The following FGB variants were observed in gnomAD, a reference collection of about 807,000 sequenced individuals.
FGB encodes beta-fibrinogen.
FGB carries 25 observed loss-of-function variants against 57.9 expected under a neutral mutation model. That is an observed-to-expected ratio of 0.43 (90% CI 0.31 to 0.60). The LOEUF is 0.60. Among genes scored for constraint, FGB ranks in the 20% least tolerant of loss-of-function variants. The pLI is 0.08. For synonymous variants in FGB, 203 were observed against 199.2 expected, an observed-to-expected ratio of 1.02 and a Z score of -0.16; for missense variants, 536 against 598.4, an observed-to-expected ratio of 0.90 and a Z score of 1.09.
Position 154,570,651 on chromosome 4 carries a change from T to C in FGB, c.*1T>C. The stretch of plus-strand genomic sequence containing the variant: ...CAGGCCCTTCTTCCCACAGCAATAG[T>C]CCCCAATACGTAGATTTTTGCTCTT... On this transcript the variant is annotated 3_prime_UTR_variant, in exon 8 of 8. Transcript: ENST00000302068. 1 of 1,609,140 alleles carries C rather than the reference T, an allele frequency of 6.2e-7. No homozygotes were observed. The highest frequency in any genetic ancestry group is 8.5e-7 in the Non-Finnish European group (1 of 1,175,516).
In FGB at chr4:154,565,960, C is replaced by T. The variant is rs1268373410; in HGVS notation, c.267C>T (p.Ala89=). Residue 89 remains alanine, a synonymous_variant, in exon 2 of 8, where the codon GCC becomes GCT. Transcript: ENST00000302068. Reference sequence around the variant, plus strand: ...CTCAAAAGAAAGTAGAAAGAAAAGCCCCTGATGCTGGAGGCTGTCTTCACG... The same window carrying T: ...CTCAAAAGAAAGTAGAAAGAAAAGCTCCTGATGCTGGAGGCTGTCTTCACG... ...AATQKKVERK[A]PDAGGCLHAD... is the part of the protein sequence containing the mutation. 1 of 1,613,784 alleles carries T rather than the reference C, an allele frequency of 6.2e-7. No individual in the cohort carries two copies. The highest frequency in any genetic ancestry group is 8.5e-7 in the Non-Finnish European group (1 of 1,180,012).
rs1024663278 is a variant in FGB, at chr4:154,572,366, G to A, written c.*1716G>A. ...CCAGAGCCAGTGAATGGGACATAGG[G>A]TTTATTTAGGACTTAAATACAGATG... On this transcript the variant is annotated 3_prime_UTR_variant, in exon 8 of 8. Coordinates refer to ENST00000302068, the MANE Select transcript of FGB (RefSeq NM_005141.5). 2.6e-5 allele frequency among the ~76,000 whole-genome samples: 4 copies of A among 152,178 alleles called. No homozygotes were observed. Among genetic ancestry groups the A allele is most frequent in the Non-Finnish European group, 4.4e-5 (3 of 68,036 alleles).
chr4:154,570,789 A>G lies in FGB; in HGVS notation c.*139A>G. 1 of 720,318 alleles carries G rather than the reference A, an allele frequency of 1.4e-6. No homozygotes were observed. The highest frequency in any genetic ancestry group is 2.7e-5 in the East Asian group (1 of 37,176). The allele number at this position is 720,318 out of a possible 1,614,324, so 44.6% of individuals were successfully genotyped here. A position where few individuals can be genotyped will look rare whatever the true frequency, so the allele number is the denominator to read the frequency against. Reference sequence around the variant, plus strand: ...TGTGACTTTTTGAAAAAAGTATAGGATAAATTACATTAAAATAGCACATGA... The same window carrying G: ...TGTGACTTTTTGAAAAAAGTATAGGGTAAATTACATTAAAATAGCACATGA... On this transcript the variant is annotated 3_prime_UTR_variant, in exon 8 of 8. Coordinates refer to ENST00000302068, the MANE Select transcript of FGB (RefSeq NM_005141.5).
intron 5 of FGB, among the ~76,000 whole-genome samples, chr4:154,568,765 G>A (rs1272025825): frequency 6.7e-6 from 1 of 150,360 alleles, no homozygotes; most frequent in African/African-American, 2.5e-5. Context: ...CCAGGAGGCT[G>A]AGATGGGAGA....
At chr4:154,563,802 C>T (rs1346373472) in intron 1 of FGB, among the ~76,000 whole-genome samples, 3 of 151,726 alleles carry the variant, frequency 2.0e-5, no homozygotes, top group Non-Finnish European at 4.4e-5. Flanking sequence ...TTTGCAGTTA[C>T]TAAAAATACA....
At chr4:154,564,534 G>A (rs1730076177) in intron 1 of FGB, among the ~76,000 whole-genome samples, 1 of 152,008 alleles carries the variant, frequency 6.6e-6, no homozygotes, top group Admixed American at 6.6e-5. Flanking sequence ...TGGTTAAACA[G>A]GAAAATCTGG....
In FGB at chr4:154,571,032, G is replaced by A; in HGVS notation, c.*382G>A. On this transcript the variant is annotated 3_prime_UTR_variant, in exon 8 of 8. Coordinates refer to ENST00000302068, the MANE Select transcript of FGB (RefSeq NM_005141.5). ...AACTATATTTATTTATGTAGGATCT[G>A]TCAAAGAAAACTTCCAAAAAGATTT... The A allele has an allele frequency of 3.4e-6, 1 of 292,924 alleles. No individual in the cohort carries two copies. Among genetic ancestry groups the A allele is most frequent in the Non-Finnish European group, 6.6e-6 (1 of 152,476 alleles). 18.1% of individuals were successfully genotyped at this position (292,924 alleles called of 1,614,324 possible). A position where few individuals can be genotyped will look rare whatever the true frequency, so the allele number is the denominator to read the frequency against.
At chr4:154,567,477 T>A in intron 3 of FGB, 116 bp from the exon 4 acceptor site, 1 of 698,228 alleles carries the variant, frequency 1.4e-6, no homozygotes, top group Non-Finnish European at 2.6e-6. Context: ...CATAACTGCT[T>A]GGTGATAGCT....
intron 1 of FGB, 104 bp downstream of exon 1, chr4:154,563,236 G>T (rs1333365554): frequency 3.4e-6 from 2 of 587,870 alleles, no homozygotes; most frequent in Non-Finnish European, 6.0e-6. Flanking sequence ...ATTGCTTATA[G>T]TTATGAAATG....
chr4:154,563,273 T>C (rs914277710), intron 1 of FGB, 141 bp downstream of exon 1: 3 of 517,702 alleles, frequency 5.8e-6, no homozygotes, highest in Non-Finnish European at 6.8e-6. Flanking sequence ...ACTTATTGTA[T>C]TTAAAGAATG....
In FGB at chr4:154,572,643, C is replaced by T. The variant is rs1730474827; in HGVS notation, c.*1993C>T. The stretch of plus-strand genomic sequence containing the variant: ...GCTTAGACTCTGAACACATATTCTT[C>T]TTAGACCATACAGTCATTCTCAGGG... On this transcript the variant is annotated 3_prime_UTR_variant, in exon 8 of 8. Coordinates refer to ENST00000302068, the MANE Select transcript of FGB (RefSeq NM_005141.5). Among the ~76,000 whole-genome samples the T allele has an allele frequency of 6.6e-6, 1 of 152,150 alleles. No individual in the cohort carries two copies. Among genetic ancestry groups the T allele is most frequent in the South Asian group, 2.1e-4 (1 of 4,832 alleles).
rs1377654479 is a variant in FGB at position 154,570,763 on chromosome 4, G to A, written c.*113G>A. 2.4e-6 allele frequency: 2 copies of A among 823,356 alleles called. No individual in the cohort carries two copies. The highest frequency in any genetic ancestry group is 4.1e-6 in the Non-Finnish European group (2 of 482,082). 51.0% of individuals were successfully genotyped at this position (823,356 alleles called of 1,614,324 possible). A position where few individuals can be genotyped will look rare whatever the true frequency, so the allele number is the denominator to read the frequency against. On this transcript the variant is annotated 3_prime_UTR_variant, in exon 8 of 8. Transcript: ENST00000302068. ...CTCTAAAACTCTCAAGCAGACGTGAGTGTGACTTTTTGAAAAAAGTATAGG... is the reference window on the plus strand; with the variant it reads ...CTCTAAAACTCTCAAGCAGACGTGAATGTGACTTTTTGAAAAAAGTATAGG...
rs757615748 is a variant in FGB at position 154,571,275 on chromosome 4, G to A, written c.*625G>A. On this transcript the variant is annotated 3_prime_UTR_variant, in exon 8 of 8. Transcript: ENST00000302068. ...TCCCAACACTTTGGGAGGCTGAGGC[G>A]GGCGGTCACAAGGTCAGGAGTTCAA... Among the ~76,000 whole-genome samples, 25 of 152,014 alleles carry A rather than the reference G, an allele frequency of 1.6e-4. No individual in the cohort carries two copies. Among genetic ancestry groups the A allele is most frequent in the South Asian group, 6.2e-4 (3 of 4,806 alleles).
rs1730218994 is a variant in FGB at position 154,567,690 on chromosome 4, T to A, written c.588T>A (p.Arg196=). 1 of 1,613,912 alleles carries A rather than the reference T, an allele frequency of 6.2e-7. No homozygotes were observed. The highest frequency in any genetic ancestry group is 8.5e-7 in the Non-Finnish European group (1 of 1,179,778). Residue 196 remains arginine, a synonymous_variant, in exon 4 of 8, where the codon CGT becomes CGA. Transcript: ENST00000302068. ...TVNSNIPTNL[R]VLRSILENLR... ...ATAGCAATATCCCAACTAACCTTCG[T>A]GTGCTTCGTTCAATCCTGGAAAACC...
chr4:154,564,482 T>A (rs1000772573), intron 1 of FGB, among the ~76,000 whole-genome samples: 1 of 152,150 alleles, frequency 6.6e-6, no homozygotes, highest in Non-Finnish European at 1.5e-5. Context: ...AATATGTATA[T>A]ATCCTCCGAA....
chr4:154,567,697 C>T lies in FGB; in HGVS notation c.595C>T (p.Arg199Cys), dbSNP rs747314723. The T allele has an allele frequency of 3.1e-6, 5 of 1,613,528 alleles. No individual in the cohort carries two copies. The highest frequency in any genetic ancestry group is 1.1e-5 in the South Asian group (1 of 91,078). Residue 199 changes from arginine to cysteine, a missense_variant, in exon 4 of 8, where the codon CGT becomes TGT. This residue lies in a region of FGB where 354 missense variants were observed against 383.4 expected (regional missense o/e 0.92). Transcript: ENST00000302068. ...SNIPTNLRVL[R>C]SILENLRSKI... ...TATCCCAACTAACCTTCGTGTGCTT[C>T]GTTCAATCCTGGAAAACCTGAGAAG...
intron 4 of FGB, among the ~76,000 whole-genome samples, chr4:154,568,038 G>A (rs895525556): frequency 6.6e-6 from 1 of 152,212 alleles, no homozygotes; most frequent in African/African-American, 2.4e-5. Flanking sequence ...GGTAGTCCCA[G>A]GGGTGGCTGA....
chr4:154,567,808 G>A lies in FGB; in HGVS notation c.706G>A (p.Val236Met). 6.2e-7 allele frequency: 1 copy of A among 1,612,294 alleles called. No homozygotes were observed. Among genetic ancestry groups the A allele is most frequent in the South Asian group, 1.1e-5 (1 of 91,060 alleles). The stretch of plus-strand genomic sequence containing the variant: ...CACTGTCAGTTGCAATATTCCTGTG[G>A]TGTCTGGCAAAGGTAACTGATTCAT... ...PCTVSCNIPV[V>M]SGKECEEIIR... is the part of the protein sequence containing the mutation. Residue 236 changes from valine to methionine, a missense_variant, in exon 4 of 8, where the codon GTG becomes ATG. Transcript: ENST00000302068.
intron 4 of FGB, among the ~76,000 whole-genome samples, chr4:154,568,158 G>T (rs1304237770): frequency 7.9e-5 from 12 of 152,158 alleles, no homozygotes; most frequent in Admixed American, 7.9e-4. Context: ...GACACAAAAG[G>T]TGGAGAAGAG....
Sources: gnomAD v4.1 joint callset for allele counts (sites outside exome capture counted in the v4.1 genomes callset) on GRCh38, gnomAD v4.1.1 for gene constraint, gnomAD v4.1.1 regional missense constraint, MANE v1.5 for transcripts, NCBI Gene and HGNC (gene_info 2026-07-23, HGNC 2026-07-21) for gene names.